Variants in GABRB1 observed in about 807,000 individuals in gnomAD.
GABRB1 encodes the protein gamma-aminobutyric acid type A receptor subunit beta1.
GABRB1 carries 17 observed loss-of-function variants against 51.6 expected under a neutral mutation model. The observed-to-expected ratio is 0.33, with a 90% CI of 0.23 to 0.49. The LOEUF (loss-of-function observed/expected upper bound fraction) is 0.49. Among genes scored for constraint, GABRB1 ranks in the 20% least tolerant of loss-of-function variants. The probability of loss-of-function intolerance (pLI) is 0.99; values close to 1 mark genes in which losing one functional copy is unlikely to be tolerated. For missense variants in GABRB1, 410 were observed against 600.6 expected (o/e 0.68, Z 3.32); for synonymous variants, 247 against 218.9 (o/e 1.13, Z -1.14).
chr4:47,002,578 T>C (rs922161846), intron 1 of GABRB1, among the ~76,000 whole-genome samples: 2 of 150,794 alleles, frequency 1.3e-5, no homozygotes, highest in South Asian at 4.2e-4. Flanking sequence ...AATGTATGTG[T>C]TTTTTTTTCT....
Position 47,220,743 on chromosome 4 carries a change from CTG to C in GABRB1, c.461+59279_461+59280del, listed in dbSNP as rs1250537996. Among the ~76,000 whole-genome samples the C allele has an allele frequency of 3.9e-5, 6 of 152,110 alleles. No individual in the cohort carries two copies. The South Asian group carries it at 1.0e-3, about 26-fold the overall frequency. On this transcript the variant is annotated intron_variant, in intron 4 of 8. Transcript: ENST00000295454. ...TCTGTGAATTAGAACTCTCCAGTAT[CTG>C]TGTGATCATCACCCTCCTTTTGGGT...
At chr4:47,139,630 A>G (rs1716827077) in intron 3 of GABRB1, among the ~76,000 whole-genome samples, 1 of 152,120 alleles carries the variant, frequency 6.6e-6, no homozygotes, top group African/African-American at 2.4e-5. Flanking sequence ...CAACTCCCCA[A>G]GTGGCTTAAG....
At chr4:47,316,521 T>C (rs1724896716) in intron 4 of GABRB1, among the ~76,000 whole-genome samples, 1 of 151,970 alleles carries the variant, frequency 6.6e-6, no homozygotes. Context: ...CTATTGTGAA[T>C]ATGTTGCAAT....
At chr4:47,272,532 A>G (rs1015058906) in intron 4 of GABRB1, among the ~76,000 whole-genome samples, 1 of 152,152 alleles carries the variant, frequency 6.6e-6, no homozygotes, top group Non-Finnish European at 1.5e-5. Context: ...TTAACTAAAT[A>G]AATTTTAAAA....
chr4:47,425,520 C>T (rs28432866), intron 8 of GABRB1, among the ~76,000 whole-genome samples, 154 bp from the exon 9 acceptor site: 6 of 71,976 alleles, frequency 8.3e-5, no homozygotes, highest in Non-Finnish European at 1.0e-4. Context: ...ATAGATAGAT[C>T]GATCGATCTA....
intron 4 of GABRB1, among the ~76,000 whole-genome samples, chr4:47,276,873 A>G (rs1184299264): frequency 6.6e-6 from 1 of 152,014 alleles, no homozygotes; most frequent in Admixed American, 6.6e-5. Flanking sequence ...GTGTCTACAG[A>G]TATTACCAAG....
chr4:47,126,764 T>C (rs970521797), intron 3 of GABRB1, among the ~76,000 whole-genome samples: 1 of 151,980 alleles, frequency 6.6e-6, no homozygotes, highest in Non-Finnish European at 1.5e-5. Context: ...GGTACACAAA[T>C]AGGTAAGAAA....
intron 1 of GABRB1, among the ~76,000 whole-genome samples, chr4:47,013,326 A>G (rs1429757767): frequency 6.6e-6 from 1 of 152,084 alleles, no homozygotes; most frequent in Non-Finnish European, 1.5e-5. Context: ...TGCCCGGATA[A>G]TTTTTGTATT....
chr4:47,296,664 AC>A (rs1724009825), intron 4 of GABRB1, among the ~76,000 whole-genome samples: 1 of 152,196 alleles, frequency 6.6e-6, no homozygotes, highest in African/African-American at 2.4e-5. Flanking sequence ...ATAATGGGAG[AC>A]TTTAACACCC....
intron 3 of GABRB1, among the ~76,000 whole-genome samples, chr4:47,045,997 T>A (rs1253035909): frequency 1.3e-5 from 2 of 152,124 alleles, no homozygotes; most frequent in African/African-American, 4.8e-5. Context: ...CAGTGGGAAG[T>A]GACTGAAACA....
At chr4:47,144,837 A>G (rs1362740021) in intron 3 of GABRB1, among the ~76,000 whole-genome samples, 2 of 151,908 alleles carry the variant, frequency 1.3e-5, no homozygotes, top group Non-Finnish European at 2.9e-5. Flanking sequence ...AAATGGAGAC[A>G]TAGGCTACAC....
At chr4:47,421,332 A>G (rs528623874) in intron 8 of GABRB1, among the ~76,000 whole-genome samples, 1 of 152,110 alleles carries the variant, frequency 6.6e-6, no homozygotes, top group Non-Finnish European at 1.5e-5. Context: ...CTTCTGTTTA[A>G]TTAGGAGCAT....
At chr4:47,354,211 T>C (rs1260684540) in intron 5 of GABRB1, among the ~76,000 whole-genome samples, 1 of 152,234 alleles carries the variant, frequency 6.6e-6, no homozygotes, top group Admixed American at 6.5e-5. Context: ...ACTGGTTTAA[T>C]GGTCCATTCA....
chr4:47,059,108 C>A (rs932070701), intron 3 of GABRB1, among the ~76,000 whole-genome samples: 1 of 152,102 alleles, frequency 6.6e-6, no homozygotes, highest in Non-Finnish European at 1.5e-5. Context: ...TCATGTGAGG[C>A]AAAATTGAGG....
At chr4:47,058,485 A>G (rs1726711857) in intron 3 of GABRB1, among the ~76,000 whole-genome samples, 1 of 152,166 alleles carries the variant, frequency 6.6e-6, no homozygotes, top group African/African-American at 2.4e-5. Context: ...GGGCCTCATG[A>G]GGTATGTCAC....
chr4:47,019,619 T>A (rs201750487), intron 1 of GABRB1, among the ~76,000 whole-genome samples: 1 of 108,036 alleles, frequency 9.3e-6, no homozygotes, highest in Admixed American at 1.0e-4. Flanking sequence ...CTTTCTTTCT[T>A]TCTCTCTCTT....
At chr4:47,031,151 ACCCACAACC>A (rs765417055), upstream of GABRB1, among the ~76,000 whole-genome samples, 34 of 150,276 alleles carry the variant, frequency 2.3e-4, 1 homozygote, top group Non-Finnish European at 1.0e-4. Flanking sequence ...AGTCACCCCC[ACCCACAACC>A]CCCGCTGATC....
At chr4:47,363,627 T>C (rs573214146) in intron 5 of GABRB1, among the ~76,000 whole-genome samples, 1 of 152,278 alleles carries the variant, frequency 6.6e-6, no homozygotes, top group African/African-American at 2.4e-5. Flanking sequence ...AGAAACAGAA[T>C]GGATTACAGG....
intron 5 of GABRB1, among the ~76,000 whole-genome samples, chr4:47,328,774 G>A (rs755339612): frequency 3.9e-5 from 6 of 152,004 alleles, no homozygotes; most frequent in African/African-American, 2.4e-5. Flanking sequence ...TTGTGGGGAG[G>A]GGGGAGCGGG....
Sources: allele counts gnomAD v4.1 joint callset (sites outside exome capture counted in the v4.1 genomes callset), GRCh38; gene constraint gnomAD v4.1.1; transcripts MANE v1.5; gene names NCBI Gene and HGNC (gene_info 2026-07-23, HGNC 2026-07-21).